Variants in EN2 observed in about 807,000 individuals in gnomAD.
EN2 encodes the protein engrailed homeobox 2, also known as homeobox protein engrailed-2.
In EN2, 7 loss-of-function variants were observed where a neutral mutation model predicts 25.0. The observed-to-expected ratio is 0.28, with a 90% CI of 0.16 to 0.53. EN2 has a LOEUF of 0.53. EN2 is among the 20% of genes least tolerant of loss of function. EN2 has a pLI of 0.96. For synonymous variants in EN2, 277 were observed against 243.3 expected, an observed-to-expected ratio of 1.14 and a Z score of -1.29; for missense variants, 524 against 501.8, an observed-to-expected ratio of 1.04 and a Z score of -0.42.
At chr7:155,460,984 C>T (rs1213237324) in intron 1 of EN2, among the ~76,000 whole-genome samples, 2 of 152,174 alleles carry the variant, frequency 1.3e-5, no homozygotes, top group East Asian at 1.9e-4. Context: ...GAGCACAAGA[C>T]TCACTTGGCC....
intron 1 of EN2, among the ~76,000 whole-genome samples, chr7:155,459,368 T>C (rs1321729334): frequency 6.6e-6 from 1 of 152,220 alleles, no homozygotes; most frequent in African/African-American, 2.4e-5. Flanking sequence ...CCACCCCGCC[T>C]TGGCGCATCT....
chr7:155,462,499 C>G lies in EN2; in HGVS notation c.814C>G (p.Gln272Glu), dbSNP rs756927720. 4.3e-6 allele frequency: 7 copies of G among 1,614,092 alleles called. No homozygotes were observed. In the East Asian group the frequency reaches 1.1e-4, roughly 26 times the overall value. The change falls in exon 2 of 2, where the codon CAG becomes GAG. Residue 272 changes from glutamine (Q) to glutamate (E), a missense_variant. Physicochemically the swap from Gln to Glu is conservative, Grantham distance 29. Transcript: ENST00000297375. The stretch of plus-strand genomic sequence containing the variant: ...CCAGACCAACAGGTACCTGACGGAG[C>G]AGCGGCGCCAGAGCCTGGCGCAGGA... ...EFQTNRYLTE[Q>E]RRQSLAQELS... is the part of the protein sequence containing the mutation.
Position 155,458,392 on chromosome 7 carries a change from C to A in EN2, c.15C>A (p.Asp5Glu). The A allele has an allele frequency of 7.6e-7, 1 of 1,320,924 alleles. No individual in the cohort carries two copies. The allele number at this position is 1,320,924 out of a possible 1,614,324, so 81.8% of individuals were successfully genotyped here. The change falls in exon 1 of 2, where the codon GAC becomes GAA. Residue 5 changes from aspartate to glutamate, a missense_variant. Asp to Glu is a conservative substitution (Grantham distance 45, BLOSUM62 2). Transcript: ENST00000297375. ...CTGTGAACAGCATGGAGGAGAATGA[C>A]CCCAAGCCTGGCGAAGCAGCGGCGG... is the stretch of plus-strand genomic sequence containing the variant. The part of the protein sequence containing the change: MEEN[D>E]PKPGEAAAAV...
At chr7:155,461,894 G>A (rs1021220384) in intron 1 of EN2, among the ~76,000 whole-genome samples, 4 of 152,092 alleles carry the variant, frequency 2.6e-5, no homozygotes, top group African/African-American at 9.7e-5. Flanking sequence ...CACCCTGTGG[G>A]GTATCCCCAT....
Position 155,458,653 on chromosome 7 carries a change from G to T in EN2, c.276G>T (p.Ala92=). Residue 92 remains alanine (A), a synonymous_variant, in exon 1 of 2, where the codon GCG becomes GCT. Transcript: ENST00000297375. ...ACGCGGGGACCTGCTGTGCGGGCGCGGGAGGAGGAAGGGGCGGCGGAGCCG... is the reference window on the plus strand; with the variant it reads ...ACGCGGGGACCTGCTGTGCGGGCGCTGGAGGAGGAAGGGGCGGCGGAGCCG... ...RKDAGTCCAG[A]GGGRGGGAGG... 1 of 1,401,730 alleles carries T rather than the reference G, an allele frequency of 7.1e-7. No homozygotes were observed. The highest frequency in any genetic ancestry group is 1.6e-5 in the South Asian group (1 of 61,758). 86.8% of individuals were successfully genotyped at this position (1,401,730 alleles called of 1,614,324 possible). A position where few individuals can be genotyped will look rare whatever the true frequency, so the allele number is the denominator to read the frequency against.
intron 1 of EN2, among the ~76,000 whole-genome samples, chr7:155,459,999 T>G (rs995284065): frequency 6.6e-6 from 1 of 152,236 alleles, no homozygotes; most frequent in Non-Finnish European, 1.5e-5. Context: ...AGTGGACTGT[T>G]TGACCCCGAG....
rs779949325 is a variant in EN2 at position 155,458,463 on chromosome 7, C to T, written c.86C>T (p.Ser29Leu). 5.6e-5 allele frequency: 73 copies of T among 1,300,734 alleles called. No individual in the cohort carries two copies. Among genetic ancestry groups the T allele is most frequent in the Non-Finnish European group, 6.7e-5 (69 of 1,023,962 alleles). 80.6% of individuals were successfully genotyped at this position (1,300,734 alleles called of 1,614,324 possible). The change falls in exon 1 of 2, where the codon TCG becomes TTG. Residue 29 changes from serine (S) to leucine (L), a missense_variant. Coordinates refer to ENST00000297375, the MANE Select transcript of EN2 (RefSeq NM_001427.4). ...CCGGAATCCAGCCCCGGCGGCGGCT[C>T]GGGCGGCGGCGGCGGTAGCAGCCCG... ...RQPESSPGGG[S>L]GGGGGSSPGE...
In EN2 at chr7:155,458,919, T is replaced by A; in HGVS notation, c.542T>A (p.Leu181His). 2 of 1,515,450 alleles carry A rather than the reference T, an allele frequency of 1.3e-6. No homozygotes were observed. The highest frequency in any genetic ancestry group is 1.8e-6 in the Non-Finnish European group (2 of 1,139,148). 93.9% of individuals were successfully genotyped at this position (1,515,450 alleles called of 1,614,324 possible). A position where few individuals can be genotyped will look rare whatever the true frequency, so the allele number is the denominator to read the frequency against. ...CCCGGCGGCCCCCTGGACGGGTCGC[T>A]CAAGGCCCGCGGCTTGGGCGGCGGC... ...GDPGGPLDGS[L>H]KARGLGGGDL... Residue 181 changes from leucine (L) to histidine (H), a missense_variant, in exon 1 of 2, where the codon CTC (leucine) becomes CAC (histidine). Physicochemically the swap from Leu to His is moderately conservative, Grantham distance 99 (BLOSUM62 -3). Coordinates refer to ENST00000297375, the MANE Select transcript of EN2 (RefSeq NM_001427.4).
rs1043288306 is a variant in EN2 at position 155,458,734 on chromosome 7, G to A, written c.357G>A (p.Glu119=). 2.0e-5 allele frequency: 27 copies of A among 1,355,502 alleles called. No homozygotes were observed. In the African/African-American group the frequency reaches 3.4e-4, roughly 17 times the overall value. 84.0% of individuals were successfully genotyped at this position (1,355,502 alleles called of 1,614,324 possible). A position where few individuals can be genotyped will look rare whatever the true frequency, so the allele number is the denominator to read the frequency against. Residue 119 remains glutamate (E), a synonymous_variant, in exon 1 of 2, where the codon GAG becomes GAA. Coordinates refer to ENST00000297375, the MANE Select transcript of EN2 (RefSeq NM_001427.4). The part of the protein sequence containing the change: ...AEGGGGAGGS[E]QLLGSGSREP... ...GAGGCGGCGGCGCGGGCGGCTCGGA[G>A]CAGCTCTTGGGCTCGGGCTCCCGAG...
In EN2 at chr7:155,463,299, A is replaced by AC. The variant is rs1387104185; in HGVS notation, c.*616dup. ...TTGGCCCTGGGAAGCAGCCCAGCGT[A>AC]CCCCAGGCCTGCTCTGGGAAGTCGG... is the stretch of plus-strand genomic sequence containing the variant. On this transcript the variant is annotated 3_prime_UTR_variant, in exon 2 of 2. Coordinates refer to ENST00000297375, the MANE Select transcript of EN2 (RefSeq NM_001427.4). The AC allele has an allele frequency of 6.6e-6, 1 of 152,408 alleles. No individual in the cohort carries two copies. Among genetic ancestry groups the AC allele is most frequent in the Non-Finnish European group, 1.5e-5 (1 of 68,306 alleles). The allele number at this position is 152,408 out of a possible 1,614,324, so 9.4% of individuals were successfully genotyped here. A position where few individuals can be genotyped will look rare whatever the true frequency, so the allele number is the denominator to read the frequency against.
rs1795733428 is a variant in EN2, at chr7:155,464,244, T to G, written c.*1557T>G. On this transcript the variant is annotated 3_prime_UTR_variant, in exon 2 of 2. Coordinates refer to ENST00000297375, the MANE Select transcript of EN2 (RefSeq NM_001427.4). ...ATATTTCCCACCAAGTACCTATATA[T>G]GTATATAAACAAACACATTATCTAT... 1.3e-5 allele frequency: 2 copies of G among 152,248 alleles called. No homozygotes were observed. The highest frequency in any genetic ancestry group is 4.8e-5 in the African/African-American group (2 of 41,462). 9.4% of individuals were successfully genotyped at this position (152,248 alleles called of 1,614,324 possible).
At position 155,464,268 on chromosome 7, in the gene EN2, A is replaced by G. The variant is rs1414436676; in HGVS notation, c.*1581A>G. 1 of 152,250 alleles carries G rather than the reference A, an allele frequency of 6.6e-6. No homozygotes were observed. 9.4% of individuals were successfully genotyped at this position (152,250 alleles called of 1,614,324 possible). A position where few individuals can be genotyped will look rare whatever the true frequency, so the allele number is the denominator to read the frequency against. On this transcript the variant is annotated 3_prime_UTR_variant, in exon 2 of 2. Transcript: ENST00000297375. ...ATGTATATAAACAAACACATTATCT[A>G]TATATAACGCCACACTGTCTTCTGT...
At position 155,462,421 on chromosome 7, in the gene EN2, C is replaced by T. The variant is rs745380430; in HGVS notation, c.736C>T (p.Arg246Trp). The change falls in exon 2 of 2, where the codon CGG (arginine) becomes TGG (tryptophan). Residue 246 changes from arginine (R) to tryptophan (W), a missense_variant. Physicochemically the swap from Arg to Trp is moderately radical, Grantham distance 101. Transcript: ENST00000297375. ...GAAGAACCCGAACAAAGAGGACAAG[C>T]GGCCGCGCACGGCCTTTACCGCCGA... ...KKKNPNKEDK[R>W]PRTAFTAEQL... is the part of the protein sequence containing the mutation. 6.2e-6 allele frequency: 10 copies of T among 1,613,742 alleles called. No homozygotes were observed. Among genetic ancestry groups the T allele is most frequent in the Admixed American group, 1.7e-5 (1 of 59,956 alleles).
chr7:155,459,345 C>G (rs761469982), intron 1 of EN2, among the ~76,000 whole-genome samples: 19 of 152,164 alleles, frequency 1.2e-4, no homozygotes, highest in Non-Finnish European at 2.5e-4. Context: ...TCCCTGTCTC[C>G]CCTCTCTGTC....
chr7:155,462,675 G>T lies in EN2; in HGVS notation c.990G>T (p.Ser330=). ...NHSTTAKEGK[S]DSE is the part of the protein sequence containing the mutation. ...CCACCACAGCCAAGGAGGGCAAGTCGGACAGCGAGTAGGGCGGGGGGCATG... is the reference window on the plus strand; with the variant it reads ...CCACCACAGCCAAGGAGGGCAAGTCTGACAGCGAGTAGGGCGGGGGGCATG... Residue 330 remains serine (S), a synonymous_variant, in exon 2 of 2, where the codon TCG becomes TCT. Transcript: ENST00000297375. 3.2e-6 allele frequency: 5 copies of T among 1,585,052 alleles called. No homozygotes were observed. Among genetic ancestry groups the T allele is most frequent in the South Asian group, 2.3e-5 (2 of 88,500 alleles).
chr7:155,459,577 A>G (rs1180238994), intron 1 of EN2, among the ~76,000 whole-genome samples: 3 of 152,244 alleles, frequency 2.0e-5, no homozygotes, highest in African/African-American at 7.2e-5. Flanking sequence ...TCGGGGAAGA[A>G]AAGGCGAGGC....
intron 1 of EN2, 39 bp downstream of exon 1, chr7:155,459,101 G>A: frequency 6.6e-7 from 1 of 1,519,062 alleles, no homozygotes; most frequent in African/African-American, 1.4e-5. Context: ...CTCGCCGCGG[G>A]GAGGCCCGCG....
rs1427115926 is a variant in EN2, at chr7:155,458,755, C to T, written c.378C>T (p.Ser126=). ...CGGAGCAGCTCTTGGGCTCGGGCTC[C>T]CGAGAGCCCCGGCAGAACCCGCCAT... The part of the protein sequence containing the change: ...GGSEQLLGSG[S]REPRQNPPCA... The change falls in exon 1 of 2, where the codon TCC becomes TCT. Residue 126 remains serine (S), a synonymous_variant. Transcript: ENST00000297375. 4.4e-6 allele frequency: 6 copies of T among 1,364,274 alleles called. No homozygotes were observed. The highest frequency in any genetic ancestry group is 4.0e-5 in the Admixed American group (1 of 25,112). 84.5% of individuals were successfully genotyped at this position (1,364,274 alleles called of 1,614,324 possible). A position where few individuals can be genotyped will look rare whatever the true frequency, so the allele number is the denominator to read the frequency against.
Position 155,458,243 on chromosome 7 carries a change from C to T in EN2, c.-135C>T, listed in dbSNP as rs1268270544. ...CGACTTGTAGGACCTCAGCCCTGGC[C>T]GCGGCCGCCGCGCACGCCCTCGGAA... On this transcript the variant is annotated 5_prime_UTR_variant, in exon 1 of 2. Transcript: ENST00000297375. 8.4e-7 allele frequency: 1 copy of T among 1,189,522 alleles called. No individual in the cohort carries two copies. The highest frequency in any genetic ancestry group is 1.1e-6 in the Non-Finnish European group (1 of 939,008). 73.7% of individuals were successfully genotyped at this position (1,189,522 alleles called of 1,614,324 possible).
Sources: gnomAD v4.1 joint callset for allele counts (sites outside exome capture counted in the v4.1 genomes callset) on GRCh38, gnomAD v4.1.1 for gene constraint, MANE v1.5 for transcripts, NCBI Gene and HGNC (gene_info 2026-07-23, HGNC 2026-07-21) for gene names.